The following GRID1 variants were observed in gnomAD, a reference collection of about 807,000 sequenced individuals.
GRID1 encodes the protein glutamate ionotropic receptor delta type subunit 1, also known as glutamate receptor ionotropic, delta-1.
Under a neutral mutation model 98.0 loss-of-function variants are expected in GRID1, and 28 were observed. The ratio of observed to expected loss-of-function variants is 0.29; its 90% CI spans 0.21 to 0.39. The LOEUF (loss-of-function observed/expected upper bound fraction) is 0.39. Ranked by LOEUF, GRID1 falls within the 10% of genes least tolerant of loss-of-function variation. GRID1 has a pLI of 1.00. For synonymous variants in GRID1, 553 were observed against 538.5 expected (o/e 1.03, Z -0.37); for missense variants, 1,111 against 1,340.5 (o/e 0.83, Z 2.67).
At chr10:85,772,988 C>T (rs1241928510) in intron 8 of GRID1, among the ~76,000 whole-genome samples, 2 of 152,190 alleles carry the variant, frequency 1.3e-5, no homozygotes, top group African/African-American at 2.4e-5. Context: ...CCAGCATCAT[C>T]CTGATACCAA....
At chr10:85,705,540 C>T (rs1242072568) in intron 12 of GRID1, among the ~76,000 whole-genome samples, 2 of 152,182 alleles carry the variant, frequency 1.3e-5, no homozygotes, top group Non-Finnish European at 2.9e-5. Flanking sequence ...CAAGGAGGAG[C>T]TGGTACCATT....
intron 2 of GRID1, among the ~76,000 whole-genome samples, chr10:86,287,574 T>C (rs1847450163): frequency 6.6e-6 from 1 of 152,090 alleles, no homozygotes; most frequent in East Asian, 1.9e-4. Flanking sequence ...CCACGTTGGG[T>C]CCTTACTTCC....
chr10:85,737,645 G>T (rs965583026), intron 8 of GRID1, among the ~76,000 whole-genome samples: 3 of 95,686 alleles, frequency 3.1e-5, no homozygotes, highest in South Asian at 3.7e-4. Flanking sequence ...AGTAAAGCCA[G>T]ATATATATAT....
chr10:85,892,223 A>T (rs1434505118), intron 5 of GRID1, among the ~76,000 whole-genome samples: 4 of 151,384 alleles, frequency 2.6e-5, no homozygotes, highest in Non-Finnish European at 4.4e-5. Flanking sequence ...AAACAAAAAA[A>T]AAAACAGGAA....
chr10:86,104,524 C>T (rs565378859), intron 4 of GRID1, among the ~76,000 whole-genome samples: 3 of 152,336 alleles, frequency 2.0e-5, no homozygotes, highest in Middle Eastern at 6.8e-3. Context: ...CTTCACAAGG[C>T]CCCCAGCCCT....
At chr10:85,670,444 C>T (rs1450953493) in intron 12 of GRID1, among the ~76,000 whole-genome samples, 2 of 152,126 alleles carry the variant, frequency 1.3e-5, no homozygotes, top group African/African-American at 2.4e-5. Flanking sequence ...AGGAACACTG[C>T]TTTTCAAGAA....
chr10:86,028,045 C>T (rs918988736), intron 4 of GRID1, among the ~76,000 whole-genome samples: 15 of 152,172 alleles, frequency 9.9e-5, no homozygotes, highest in Non-Finnish European at 2.1e-4. Flanking sequence ...TGAGAAAATT[C>T]GGCTCAAAGA....
intron 8 of GRID1, among the ~76,000 whole-genome samples, chr10:85,850,103 C>T (rs1158956941): frequency 4.6e-5 from 7 of 152,122 alleles, no homozygotes; most frequent in South Asian, 2.1e-4. Context: ...GCCACTGAAT[C>T]GGGTGGATGC....
chr10:86,355,429 G>T (rs1848521066), intron 2 of GRID1, among the ~76,000 whole-genome samples: 1 of 152,228 alleles, frequency 6.6e-6, no homozygotes, highest in African/African-American at 2.4e-5. Flanking sequence ...GGGAAAACTG[G>T]AAAGATGGGG....
rs1197303501 is a variant in GRID1, at chr10:86,366,417, A to C, written c.-25T>G. ...TGTCCCCCGGGCGCGCGGCTCATCC[A>C]CCCGGGCCCGGGGCGAGGCCGAGGG... On this transcript the variant is annotated 5_prime_UTR_variant, in exon 1 of 16. Transcript: ENST00000327946. This position sits in a 1 kb window ranked among gnomAD's most constrained non-coding sequence, Gnocchi z 4.1. The C allele has an allele frequency of 6.1e-6, 9 of 1,469,180 alleles. No homozygotes were observed. Among genetic ancestry groups the C allele is most frequent in the Non-Finnish European group, 8.2e-6 (9 of 1,103,978 alleles). 91.0% of individuals were successfully genotyped at this position (1,469,180 alleles called of 1,614,324 possible).
At chr10:85,968,082 C>T (rs971144896) in intron 4 of GRID1, among the ~76,000 whole-genome samples, 7 of 152,072 alleles carry the variant, frequency 4.6e-5, no homozygotes, top group African/African-American at 1.7e-4. Flanking sequence ...ATAAAGAGCA[C>T]TGATAAAGGT....
At chr10:85,628,206 T>C (rs745373875) in intron 13 of GRID1, among the ~76,000 whole-genome samples, 2 of 152,016 alleles carry the variant, frequency 1.3e-5, no homozygotes, top group African/African-American at 2.4e-5. Flanking sequence ...TGTGTGTGTG[T>C]ATGGGTGTGT....
At chr10:85,834,918 T>A (rs1842899772) in intron 8 of GRID1, among the ~76,000 whole-genome samples, 2 of 152,132 alleles carry the variant, frequency 1.3e-5, no homozygotes, top group African/African-American at 4.8e-5. Context: ...ATAGATTTTT[T>A]AAAAATCCAA....
chr10:85,696,057 G>A (rs776295165), intron 12 of GRID1, among the ~76,000 whole-genome samples: 21 of 151,896 alleles, frequency 1.4e-4, no homozygotes, highest in Non-Finnish European at 2.9e-4. Context: ...CTTTATATAT[G>A]GACCATAAAG....
chr10:86,319,486 A>G (rs999370231), intron 2 of GRID1, among the ~76,000 whole-genome samples: 5 of 151,782 alleles, frequency 3.3e-5, no homozygotes, highest in Admixed American at 3.3e-4. Flanking sequence ...TGTTGCCTCC[A>G]CCCTTTTCTG....
At chr10:85,822,236 C>A (rs1214426220) in intron 8 of GRID1, among the ~76,000 whole-genome samples, 1 of 152,160 alleles carries the variant, frequency 6.6e-6, no homozygotes, top group Non-Finnish European at 1.5e-5. Context: ...AAACTACCAT[C>A]AGAGTGAACA....
chr10:86,182,275 C>T (rs753447788), intron 3 of GRID1, among the ~76,000 whole-genome samples: 1 of 152,234 alleles, frequency 6.6e-6, no homozygotes, highest in African/African-American at 2.4e-5. Context: ...ACCTCTCTCC[C>T]GGCCCCAAGC....
intron 4 of GRID1, among the ~76,000 whole-genome samples, chr10:86,003,065 CT>C (rs1842819880): frequency 6.6e-6 from 1 of 152,236 alleles, no homozygotes. Context: ...AAGGGCTTCC[CT>C]TTCTTCTGTC....
chr10:85,638,653 G>A (rs1177732123), intron 13 of GRID1, among the ~76,000 whole-genome samples: 4 of 152,116 alleles, frequency 2.6e-5, no homozygotes, highest in South Asian at 2.1e-4. Context: ...GCAAGTTACA[G>A]ACTAAGAATT....
Sources: gnomAD v4.1 joint callset for allele counts (sites outside exome capture counted in the v4.1 genomes callset) on GRCh38, gnomAD v4.1.1 for gene constraint, Gnocchi (gnomAD v3.1) non-coding constraint, MANE v1.5 for transcripts, NCBI Gene and HGNC (gene_info 2026-07-23, HGNC 2026-07-21) for gene names.